MAP4: variants seen among roughly 807,000 people sequenced by gnomAD.
MAP4 encodes microtubule-associated protein 4.
Under a neutral mutation model 170.2 loss-of-function variants are expected in MAP4, and 76 were observed. The ratio of observed to expected loss-of-function variants is 0.45; its 90% CI spans 0.37 to 0.54. MAP4 has a LOEUF of 0.54. Among genes scored for constraint, MAP4 ranks in the 20% least tolerant of loss-of-function variants. MAP4 has a pLI of 0.00. For missense variants in MAP4, 2,506 were observed against 2,748.0 expected, an observed-to-expected ratio of 0.91 and a Z score of 1.97; for synonymous variants, 909 against 994.5, an observed-to-expected ratio of 0.91 and a Z score of 1.62.
intron 17 of MAP4, among the ~76,000 whole-genome samples, chr3:47,861,082 T>C (rs2064927596): frequency 6.6e-6 from 1 of 151,930 alleles, no homozygotes; most frequent in African/African-American, 2.4e-5. Flanking sequence ...AAAGTTAGGC[T>C]GGGCGCAGTG....
intron 17 of MAP4, among the ~76,000 whole-genome samples, chr3:47,859,078 G>T (rs528260581): frequency 2.6e-5 from 4 of 152,036 alleles, no homozygotes; most frequent in Non-Finnish European, 2.9e-5. Context: ...GCAGTGAGCC[G>T]AGATCGTGCC....
At chr3:47,858,621 T>G (rs926456178) in intron 17 of MAP4, among the ~76,000 whole-genome samples, 1 of 49,246 alleles carries the variant, frequency 2.0e-5, no homozygotes, top group Non-Finnish European at 3.9e-5. Flanking sequence ...GTGTGCGCGT[T>G]GTGTGTGTGT....
chr3:47,955,218 A>G lies in MAP4; in HGVS notation c.292+22647T>C, dbSNP rs547242740. ...CAGATATAGCATCTTTACTGGAGCAAATCAACATGGGTCACGGCACTTGGT... is the reference window on the plus strand; with the variant it reads ...CAGATATAGCATCTTTACTGGAGCAGATCAACATGGGTCACGGCACTTGGT... On this transcript the variant is annotated intron_variant, in intron 3 of 20. Transcript: ENST00000683076. Among the ~76,000 whole-genome samples the G allele has an allele frequency of 6.6e-5, 10 of 152,236 alleles. No individual in the cohort carries two copies. The East Asian group carries it at 1.9e-3, about 29-fold the overall frequency.
chr3:47,921,067 C>A (rs2100042591), intron 5 of MAP4, among the ~76,000 whole-genome samples: 1 of 152,140 alleles, frequency 6.6e-6, no homozygotes, highest in South Asian at 2.1e-4. Flanking sequence ...GGAGGATCAC[C>A]TGACCAGGAG....
chr3:47,978,375 T>C (rs1173334207), intron 2 of MAP4, among the ~76,000 whole-genome samples: 1 of 152,232 alleles, frequency 6.6e-6, no homozygotes, highest in African/African-American at 2.4e-5. Flanking sequence ...TGGAGTGCCA[T>C]GGTGCAACCT....
intron 2 of MAP4, among the ~76,000 whole-genome samples, chr3:47,998,397 A>T (rs1257750316): frequency 6.6e-6 from 1 of 152,212 alleles, no homozygotes; most frequent in Non-Finnish European, 1.5e-5. Flanking sequence ...ATTAAGAAGA[A>T]GATTATATGG....
intron 17 of MAP4, among the ~76,000 whole-genome samples, chr3:47,864,663 C>T (rs973902611): frequency 2.0e-5 from 3 of 151,952 alleles, no homozygotes; most frequent in African/African-American, 7.3e-5. Context: ...GGTGACAGAT[C>T]GAGACTCCGT....
At position 47,909,842 on chromosome 3, in the gene MAP4, G is replaced by C; in HGVS notation, c.4579C>G (p.Leu1527Val). 1.2e-6 allele frequency: 2 copies of C among 1,614,008 alleles called. No individual in the cohort carries two copies. The highest frequency in any genetic ancestry group is 2.2e-5 in the East Asian group (1 of 44,890). ...ETVNIHGDHS[L>V]KNKAELADSM... ...TCAGCAAGCTCAGCTTTATTCTTAA[G>C]AGAGTGATCTCCATGAATGTTAACT... is the stretch of plus-strand genomic sequence containing the variant. Residue 1527 changes from leucine to valine, a missense_variant, in exon 9 of 21, where the codon CTT (leucine) becomes GTT (valine). Transcript: ENST00000683076.
In MAP4 at chr3:47,870,866, G is replaced by T. The variant is rs753398856; in HGVS notation, c.6241C>A (p.Arg2081Ser). The change falls in exon 15 of 21, where the codon CGC becomes AGC. Residue 2081 changes from arginine (R) to serine (S), a missense_variant. Around this residue, in one of 3 missense-constraint regions of MAP4, gnomAD observed 487 missense variants for 511.6 expected, o/e 0.95. Coordinates refer to ENST00000683076, the MANE Select transcript of MAP4 (RefSeq NM_001385682.1). Reference protein sequence around the residue: ...NTSAPDLKNVRSKVGSTENIK... With the variant: ...NTSAPDLKNVSSKVGSTENIK... The stretch of plus-strand genomic sequence containing the variant: ...TTTTCCGTGGAGCCAACCTTGGAGC[G>T]GACATTCTTCAGATCAGGAGCAGAA... The T allele has an allele frequency of 6.2e-7, 1 of 1,606,914 alleles. No homozygotes were observed. The highest frequency in any genetic ancestry group is 8.5e-7 in the Non-Finnish European group (1 of 1,175,398).
At chr3:48,041,773 A>G (rs2100121743) in intron 1 of MAP4, among the ~76,000 whole-genome samples, 1 of 152,230 alleles carries the variant, frequency 6.6e-6, no homozygotes, top group African/African-American at 2.4e-5. Context: ...CCTAAAATTC[A>G]TATGGAAATT....
chr3:47,955,430 G>GCACGTA (rs2100067143), intron 3 of MAP4, among the ~76,000 whole-genome samples: 1 of 102,862 alleles, frequency 9.7e-6, no homozygotes, highest in Non-Finnish European at 1.9e-5. Flanking sequence ...AAATAAATAA[G>GCACGTA]CACGTACACA....
At chr3:48,018,367 T>C (rs1359019367), upstream of MAP4, among the ~76,000 whole-genome samples, 1 of 152,186 alleles carries the variant, frequency 6.6e-6, no homozygotes, top group African/African-American at 2.4e-5. Flanking sequence ...TAAAAACACA[T>C]TTCTAAAATG....
Position 47,898,621 on chromosome 3 carries a change from G to A in MAP4, c.5434+4329C>T, listed in dbSNP as rs541693258. On this transcript the variant is annotated intron_variant, in intron 10 of 20. Transcript: ENST00000683076. Reference sequence around the variant, plus strand: ...GGTGAATGCCACCTGGATGACAAATGATGGGGAAACCCTAGTATAGAATAA... The same window carrying A: ...GGTGAATGCCACCTGGATGACAAATAATGGGGAAACCCTAGTATAGAATAA... 2.0e-5 allele frequency among the ~76,000 whole-genome samples: 3 copies of A among 152,192 alleles called. No individual in the cohort carries two copies. In the East Asian group the frequency reaches 5.8e-4, roughly 29 times the overall value.
At chr3:47,975,026 T>C in intron 3 of MAP4, 1 of 995,366 alleles carries the variant, frequency 1.0e-6, no homozygotes, top group Non-Finnish European at 1.2e-6. Flanking sequence ...AAAACACATG[T>C]TCTCATTTGG....
chr3:47,923,876 T>G (rs1163026288), intron 4 of MAP4, among the ~76,000 whole-genome samples: 1 of 152,102 alleles, frequency 6.6e-6, no homozygotes, highest in Non-Finnish European at 1.5e-5. Flanking sequence ...AGATAGAATA[T>G]GAGAGAGATG....
intron 10 of MAP4, among the ~76,000 whole-genome samples, chr3:47,896,560 A>G (rs1039200781): frequency 6.6e-6 from 1 of 151,902 alleles, no homozygotes; most frequent in African/African-American, 2.4e-5. Flanking sequence ...CAACCAAGAA[A>G]CTGTACATAT....
intron 1 of MAP4, among the ~76,000 whole-genome samples, chr3:48,077,643 A>G (rs1480920456): frequency 6.6e-6 from 1 of 152,004 alleles, no homozygotes. Context: ...CCTGGCGATA[A>G]ATAATTTTTT....
intron 1 of MAP4, among the ~76,000 whole-genome samples, chr3:48,061,956 G>T (rs2154558997): frequency 6.6e-6 from 1 of 152,186 alleles, no homozygotes; most frequent in South Asian, 2.1e-4. Flanking sequence ...CTTCTGGGAA[G>T]TGAGGAGCCC....
chr3:47,891,519 G>C, intron 10 of MAP4: 6 of 1,515,636 alleles, frequency 4.0e-6, no homozygotes, highest in Middle Eastern at 1.7e-4. Context: ...GGCTCTTCTC[G>C]GGCAGGGAGT....
Sources: gnomAD v4.1 joint callset for allele counts (sites outside exome capture counted in the v4.1 genomes callset) on GRCh38, gnomAD v4.1.1 for gene constraint, gnomAD v4.1.1 regional missense constraint, MANE v1.5 for transcripts, NCBI Gene and HGNC (gene_info 2026-07-23, HGNC 2026-07-21) for gene names.